Variants in SGCZ observed in about 807,000 individuals in gnomAD.
SGCZ encodes zeta-sarcoglycan.
A neutral mutation model predicts 41.3 loss-of-function variants in SGCZ; 40 were observed. The observed-to-expected ratio is 0.97, with a 90% CI of 0.75 to 1.26. The LOEUF is 1.26. SGCZ is among the 50% of genes most tolerant of loss of function. SGCZ has a pLI of 0.00. For missense variants in SGCZ, 552 were observed against 369.8 expected (o/e 1.49, Z -4.04); for synonymous variants, 206 against 137.5 (o/e 1.50, Z -3.49).
At chr8:14,191,116 A>G (rs1805087607) in intron 4 of SGCZ, among the ~76,000 whole-genome samples, 2 of 152,110 alleles carry the variant, frequency 1.3e-5, no homozygotes, top group African/African-American at 2.4e-5. Flanking sequence ...ACCTTTTCAT[A>G]TATGTATGAG....
At chr8:14,840,136 T>G (rs903815612) in intron 1 of SGCZ, among the ~76,000 whole-genome samples, 3 of 152,126 alleles carry the variant, frequency 2.0e-5, no homozygotes, top group African/African-American at 7.2e-5. Flanking sequence ...TAAAATATTG[T>G]TAATATGATT....
intron 5 of SGCZ, among the ~76,000 whole-genome samples, chr8:14,153,443 G>A (rs1198488772): frequency 1.3e-5 from 2 of 152,218 alleles, no homozygotes; most frequent in South Asian, 4.1e-4. Context: ...CCTGGTCAGA[G>A]TAATTGGGAG....
intron 1 of SGCZ, among the ~76,000 whole-genome samples, chr8:14,597,288 C>T (rs947804122): frequency 5.3e-5 from 8 of 152,002 alleles, no homozygotes; most frequent in Non-Finnish European, 1.0e-4. Context: ...TATGTGAAGT[C>T]CTATATGGAG....
intron 3 of SGCZ, among the ~76,000 whole-genome samples, chr8:14,241,192 T>C (rs1329242454): frequency 6.6e-6 from 1 of 152,006 alleles, no homozygotes; most frequent in African/African-American, 2.4e-5. Context: ...TCCTTTATAT[T>C]ATACTTGTGT....
intron 1 of SGCZ, among the ~76,000 whole-genome samples, chr8:14,669,385 G>GTAAGTAAATAAATAAATAAA (rs1465447907): frequency 1.8e-5 from 1 of 55,122 alleles, no homozygotes; most frequent in African/African-American, 1.6e-4. Context: ...AAGTAAGTAA[G>GTAAGTAAATAAATAAATAAA]TAAATAAATA....
At chr8:14,784,913 A>AAAAAAAAAATAT (rs1408574493) in intron 1 of SGCZ, among the ~76,000 whole-genome samples, 27 of 88,016 alleles carry the variant, frequency 3.1e-4, no homozygotes, top group African/African-American at 1.1e-3. Flanking sequence ...AAAAAAAAAA[A>AAAAAAAAAATAT]ATATATATAT....
rs142006892 is a variant in SGCZ, at chr8:14,088,991, G to T, written c.*1452C>A. 5.4e-3 allele frequency among the ~76,000 whole-genome samples: 821 copies of T among 151,926 alleles called. 7 individuals are homozygous for T. The highest frequency in any genetic ancestry group is 0.019 in the African/African-American group (786 of 41,492). ...GTTTGATTGACATGTGAAAATTCAG[G>T]ACTTACCTTATAGTAATTAAGTCAT... is the stretch of plus-strand genomic sequence containing the variant. On this transcript the variant is annotated 3_prime_UTR_variant, in exon 8 of 8. Coordinates refer to ENST00000382080, the MANE Select transcript of SGCZ (RefSeq NM_139167.4).
At chr8:14,138,079 TA>T (rs1375055120) in intron 5 of SGCZ, among the ~76,000 whole-genome samples, 4 of 152,148 alleles carry the variant, frequency 2.6e-5, no homozygotes, top group East Asian at 3.9e-4. Flanking sequence ...CCAGCCAAAC[TA>T]AGCTTCATAA....
intron 1 of SGCZ, among the ~76,000 whole-genome samples, chr8:15,221,745 T>A (rs17121150): frequency 0.029 from 4,421 of 152,234 alleles, 213 homozygotes; most frequent in African/African-American, 0.099. Context: ...CACTTTTTTT[T>A]AAACAAAATT....
At chr8:14,736,903 TACAAAAA>T (rs1799052114) in intron 1 of SGCZ, among the ~76,000 whole-genome samples, 1 of 151,934 alleles carries the variant, frequency 6.6e-6, no homozygotes, top group African/African-American at 2.4e-5. Context: ...GAAGTCATTA[TACAAAAA>T]AGATACTTGC....
chr8:14,396,230 A>G (rs1318926947), intron 2 of SGCZ, among the ~76,000 whole-genome samples: 1 of 152,198 alleles, frequency 6.6e-6, no homozygotes, highest in African/African-American at 2.4e-5. Flanking sequence ...TTCCTACGCA[A>G]TATACTTTCA....
At chr8:14,727,737 C>T (rs1392512854) in intron 1 of SGCZ, among the ~76,000 whole-genome samples, 3 of 152,070 alleles carry the variant, frequency 2.0e-5, no homozygotes, top group African/African-American at 7.2e-5. Context: ...TGGTCTCGAT[C>T]TCCTGACCTC....
At chr8:14,376,146 T>A (rs916379679) in intron 2 of SGCZ, among the ~76,000 whole-genome samples, 1 of 151,972 alleles carries the variant, frequency 6.6e-6, no homozygotes, top group Admixed American at 6.6e-5. Flanking sequence ...ACTCCATCTC[T>A]ACTAAAAATA....
intron 5 of SGCZ, among the ~76,000 whole-genome samples, chr8:14,110,213 C>G (rs1456798035): frequency 6.6e-6 from 1 of 151,918 alleles, no homozygotes; most frequent in Non-Finnish European, 1.5e-5. Context: ...TTGTATATCT[C>G]AAAGAGAGAC....
intron 3 of SGCZ, among the ~76,000 whole-genome samples, chr8:14,317,918 A>G (rs1004059330): frequency 3.3e-5 from 5 of 152,014 alleles, no homozygotes; most frequent in African/African-American, 1.2e-4. Context: ...AAAATGCACG[A>G]TAGGCAAAAG....
At chr8:14,941,062 C>T (rs1800259507) in intron 1 of SGCZ, among the ~76,000 whole-genome samples, 1 of 152,002 alleles carries the variant, frequency 6.6e-6, no homozygotes, top group South Asian at 2.1e-4. Flanking sequence ...CAACAAATAC[C>T]ATTTTTACCT....
chr8:14,874,668 C>A (rs1197948573), intron 1 of SGCZ, among the ~76,000 whole-genome samples: 1 of 152,018 alleles, frequency 6.6e-6, no homozygotes, highest in Non-Finnish European at 1.5e-5. Context: ...ATAATAAATT[C>A]CAGTGTGGAT....
At chr8:14,190,014 C>CTTTTTTTTTTTTTTTTTTTTTTTT (rs71304966) in intron 4 of SGCZ, among the ~76,000 whole-genome samples, 2 of 100,200 alleles carry the variant, frequency 2.0e-5, no homozygotes, top group East Asian at 2.9e-4. Flanking sequence ...TTCTTTCTTT[C>CTTTTTTTTTTTTTTTTTTTTTTTT]TTTTTTTTTT....
At chr8:14,933,101 G>GT (rs1231100659) in intron 1 of SGCZ, among the ~76,000 whole-genome samples, 1 of 151,948 alleles carries the variant, frequency 6.6e-6, no homozygotes, top group African/African-American at 2.4e-5. Context: ...TTTCAACACA[G>GT]TTTTTGACTC....
Sources: gnomAD v4.1 joint callset for allele counts (sites outside exome capture counted in the v4.1 genomes callset) on GRCh38, gnomAD v4.1.1 for gene constraint, MANE v1.5 for transcripts, NCBI Gene and HGNC (gene_info 2026-07-23, HGNC 2026-07-21) for gene names.